Variants in CLCA1 observed in about 807,000 individuals in gnomAD.
CLCA1 encodes chloride channel accessory 1.
In CLCA1, 59 loss-of-function variants were observed where a neutral mutation model predicts 85.6. That is an observed-to-expected ratio of 0.69 (90% confidence interval 0.56 to 0.86). The LOEUF (loss-of-function observed/expected upper bound fraction) is 0.86, where lower values mean the gene tolerates loss of function less well. CLCA1 is among the 40% of genes least tolerant of loss of function. The probability of loss-of-function intolerance (pLI) is 0.00; values close to 1 mark genes in which losing one functional copy is unlikely to be tolerated. For missense variants in CLCA1, 1,022 were observed against 1,101.4 expected, an observed-to-expected ratio of 0.93 and a Z score of 1.02; for synonymous variants, 396 against 398.3, an observed-to-expected ratio of 0.99 and a Z score of 0.07.
chr1:86,489,050 G>T lies in CLCA1; in HGVS notation c.1237G>T (p.Gly413Trp), dbSNP rs1225631820. The stretch of plus-strand genomic sequence containing the variant: ...ATCTGAAATTGTGCTGCTGACGGAT[G>T]GGGAAGACAACACTATAAGTGGGTG... ...DGSEIVLLTD[G>W]EDNTISGCFN... The change falls in exon 8 of 14, where the codon GGG (glycine) becomes TGG (tryptophan). Residue 413 changes from glycine (G) to tryptophan (W), a missense_variant. By Grantham distance (184) the Gly-to-Trp change is radical. Coordinates refer to ENST00000394711, the MANE Select transcript of CLCA1 (RefSeq NM_001285.4). 6.2e-7 allele frequency: 1 copy of T among 1,614,078 alleles called. No homozygotes were observed.
At chr1:86,470,163 C>G (rs1006639208) in intron 1 of CLCA1, among the ~76,000 whole-genome samples, 2 of 152,104 alleles carry the variant, frequency 1.3e-5, no homozygotes, top group Non-Finnish European at 2.9e-5. Context: ...CTGCTCTAAG[C>G]AGAGGCAAAT....
intron 4 of CLCA1, among the ~76,000 whole-genome samples, chr1:86,481,820 C>T (rs906334897): frequency 7.2e-5 from 11 of 151,812 alleles, no homozygotes; most frequent in Admixed American, 2.6e-4. Flanking sequence ...ATAAACTAAT[C>T]AGAAAACAAA....
chr1:86,480,144 C>G (rs1647778695), intron 4 of CLCA1, among the ~76,000 whole-genome samples: 1 of 152,046 alleles, frequency 6.6e-6, no homozygotes, highest in African/African-American at 2.4e-5. Context: ...TCTTTCAATG[C>G]ATTCAATCAT....
In CLCA1 at chr1:86,491,377, A is replaced by G. The variant is rs1000396198; in HGVS notation, c.1464+6A>G. Reference sequence around the variant, plus strand: ...TCTCTCAGCGCTCCATCCAGGTTGGAGTTCTTAATCTTTGGTTTTTCATAT... The same window carrying G: ...TCTCTCAGCGCTCCATCCAGGTTGGGGTTCTTAATCTTTGGTTTTTCATAT... On this transcript the variant is annotated splice_donor_region_variant and intron_variant, in intron 9 of 13. Transcript: ENST00000394711. The G allele has an allele frequency of 1.9e-6, 3 of 1,594,916 alleles. No individual in the cohort carries two copies. Among genetic ancestry groups the G allele is most frequent in the Non-Finnish European group, 2.6e-6 (3 of 1,165,624 alleles).
intron 11 of CLCA1, among the ~76,000 whole-genome samples, chr1:86,494,703 G>T (rs1191416752): frequency 6.6e-6 from 1 of 152,070 alleles, no homozygotes; most frequent in African/African-American, 2.4e-5. Context: ...TTGCCATAGG[G>T]TATTCCACAA....
intron 3 of CLCA1, 96 bp from the exon 4 acceptor site, chr1:86,476,352 C>A (rs916234708): frequency 1.1e-5 from 7 of 620,384 alleles, no homozygotes; most frequent in East Asian, 5.4e-5. Flanking sequence ...ATTAACACAG[C>A]AAAGCATAAA....
In CLCA1 at chr1:86,493,453, G is replaced by A. The variant is rs1327452065; in HGVS notation, c.1534G>A (p.Val512Met). 1.2e-5 allele frequency: 19 copies of A among 1,613,986 alleles called. No homozygotes were observed. Among genetic ancestry groups the A allele is most frequent in the South Asian group, 5.5e-5 (5 of 91,082 alleles). ...TGGCACAGTGATCGTGGACAGCACC[G>A]TGGGAAAGGACACTTTGTTTCTTAT... ...MNGTVIVDSTVGKDTLFLITW... is the reference protein window; with the variant it reads ...MNGTVIVDSTMGKDTLFLITW... Residue 512 changes from valine to methionine, a missense_variant, in exon 10 of 14, where the codon GTG becomes ATG. By Grantham distance (21) the Val-to-Met change is conservative. Coordinates refer to ENST00000394711, the MANE Select transcript of CLCA1 (RefSeq NM_001285.4).
chr1:86,490,899 TAAAAAAAAAAA>T (rs59948810), intron 8 of CLCA1, among the ~76,000 whole-genome samples: 6 of 89,710 alleles, frequency 6.7e-5, no homozygotes, highest in African/African-American at 2.4e-4. Flanking sequence ...AACCCATCTC[TAAAAAAAAAAA>T]AAAAAAAAAA....
rs773390299 is a variant in CLCA1 at position 86,476,481 on chromosome 1, G to C, written c.485G>C (p.Arg162Pro). 1 of 1,605,246 alleles carries C rather than the reference G, an allele frequency of 6.2e-7. No individual in the cohort carries two copies. The highest frequency in any genetic ancestry group is 8.5e-7 in the Non-Finnish European group (1 of 1,172,162). Residue 162 changes from arginine to proline, a missense_variant, in exon 4 of 14, where the codon CGA (arginine) becomes CCA (proline). Arg to Pro is a moderately radical substitution (Grantham distance 103). Transcript: ENST00000394711. ...RAFVHEWAHL[R>P]WGVFDEYNND... ...TTTGTCCATGAGTGGGCTCATCTAC[G>C]ATGGGGAGTATTTGACGAGTACAAT...
At chr1:86,491,489 T>C (rs1648132580) in intron 9 of CLCA1, 118 bp downstream of exon 9, 1 of 621,376 alleles carries the variant, frequency 1.6e-6, no homozygotes, top group African/African-American at 1.8e-5. Flanking sequence ...AAAATGAAAA[T>C]AGAAGGTCCA....
At position 86,498,744 on chromosome 1, in the gene CLCA1, A is replaced by G. The variant is rs1303387249; in HGVS notation, c.2286A>G (p.Glu762=). The G allele has an allele frequency of 6.2e-7, 1 of 1,614,126 alleles. No homozygotes were observed. The highest frequency in any genetic ancestry group is 1.3e-5 in the African/African-American group (1 of 75,014). Residue 762 remains glutamate, a synonymous_variant, in exon 13 of 14, where the codon GAA becomes GAG. Transcript: ENST00000394711. ...PPGQITDLKA[E]IHGGSLINLT... ...GCCAAATCACCGACCTGAAGGCGGA[A>G]ATTCACGGGGGCAGTCTCATTAATC...
chr1:86,500,224 A>G lies in CLCA1; in HGVS notation c.*179A>G. On this transcript the variant is annotated 3_prime_UTR_variant, in exon 14 of 14. Transcript: ENST00000394711. ...ACTAAATGTATTTTAGACTTCCTGTAGGGGGCGATAAAATAAAATGCTAAA... is the reference window on the plus strand; with the variant it reads ...ACTAAATGTATTTTAGACTTCCTGTGGGGGGCGATAAAATAAAATGCTAAA... 1 of 516,900 alleles carries G rather than the reference A, an allele frequency of 1.9e-6. No individual in the cohort carries two copies. Among genetic ancestry groups the G allele is most frequent in the Non-Finnish European group, 3.4e-6 (1 of 292,462 alleles). 32.0% of individuals were successfully genotyped at this position (516,900 alleles called of 1,614,324 possible). A position where few individuals can be genotyped will look rare whatever the true frequency, so the allele number is the denominator to read the frequency against.
At chr1:86,492,008 T>C (rs952010292) in intron 9 of CLCA1, among the ~76,000 whole-genome samples, 1 of 149,256 alleles carries the variant, frequency 6.7e-6, no homozygotes, top group Non-Finnish European at 1.5e-5. Flanking sequence ...CTTTTAAAAG[T>C]CTTGAAACTA....
intron 5 of CLCA1, among the ~76,000 whole-genome samples, chr1:86,484,730 T>C (rs1647916369): frequency 6.6e-6 from 1 of 152,090 alleles, no homozygotes; most frequent in Non-Finnish European, 1.5e-5. Context: ...AGTGCACTGG[T>C]CTTGGGTACT....
intron 5 of CLCA1, among the ~76,000 whole-genome samples, chr1:86,484,801 G>C (rs1045560777): frequency 6.6e-5 from 10 of 152,074 alleles, no homozygotes; most frequent in African/African-American, 2.2e-4. Flanking sequence ...GGGGTGCATA[G>C]TGGTGACATC....
intron 12 of CLCA1, among the ~76,000 whole-genome samples, chr1:86,496,980 G>A (rs750351541): frequency 6.6e-5 from 10 of 152,186 alleles, no homozygotes; most frequent in East Asian, 3.9e-4. Flanking sequence ...TGCCCGCCTC[G>A]GCCTCCCAAA....
chr1:86,494,089 C>A, intron 10 of CLCA1, 98 bp from the exon 11 acceptor site: 4 of 1,351,842 alleles, frequency 3.0e-6, no homozygotes, highest in South Asian at 1.3e-5. Flanking sequence ...ATGCTTCCAA[C>A]ATGCTTATAT....
At chr1:86,477,910 T>C (rs1259539502) in intron 4 of CLCA1, among the ~76,000 whole-genome samples, 1 of 152,238 alleles carries the variant, frequency 6.6e-6, no homozygotes, top group Admixed American at 6.5e-5. Flanking sequence ...CCGGTCTTGC[T>C]TGCCTGATGG....
At chr1:86,483,257 T>C (rs1647868779) in intron 5 of CLCA1, among the ~76,000 whole-genome samples, 1 of 152,192 alleles carries the variant, frequency 6.6e-6, no homozygotes. Flanking sequence ...TTAAATATGA[T>C]GCCTAGTCAG....
Sources: gnomAD v4.1 joint callset for allele counts (sites outside exome capture counted in the v4.1 genomes callset) on GRCh38, gnomAD v4.1.1 for gene constraint, MANE v1.5 for transcripts, NCBI Gene and HGNC (gene_info 2026-07-23, HGNC 2026-07-21) for gene names.